COL14A1: variants seen among roughly 807,000 people sequenced by gnomAD.
COL14A1 encodes the protein collagen type XIV alpha 1 chain.
COL14A1 carries 136 observed loss-of-function variants against 230.3 expected under a neutral mutation model. That is an observed-to-expected ratio of 0.59 (90% confidence interval 0.51 to 0.68). The LOEUF (loss-of-function observed/expected upper bound fraction) is 0.68, where lower values mean the gene tolerates loss of function less well. Among genes scored for constraint, COL14A1 ranks in the 30% least tolerant of loss-of-function variants. The pLI is 0.00. For synonymous variants in COL14A1, 792 were observed against 784.1 expected (o/e 1.01, Z -0.17); for missense variants, 1,976 against 2,215.8 (o/e 0.89, Z 2.17).
intron 1 of COL14A1, among the ~76,000 whole-genome samples, chr8:120,141,769 A>C (rs1243022980): frequency 6.6e-6 from 1 of 152,230 alleles, no homozygotes; most frequent in South Asian, 2.1e-4. Context: ...TGATGAGAAT[A>C]GAGAAAGGCT....
intron 7 of COL14A1, 132 bp from the exon 8 acceptor site, chr8:120,199,270 C>A (rs1014717848): frequency 1.3e-6 from 1 of 758,804 alleles, no homozygotes; most frequent in Non-Finnish European, 1.9e-6. Context: ...AACGTTATTA[C>A]AAAAATGAAG....
rs370831846 is a variant in COL14A1, at chr8:120,262,929, T to G, written c.2931T>G (p.Leu977=). 8 of 1,613,628 alleles carry G rather than the reference T, an allele frequency of 5.0e-6. No homozygotes were observed. The highest frequency in any genetic ancestry group is 2.2e-5 in the South Asian group (2 of 91,026). The change falls in exon 24 of 48, where the codon CTT becomes CTG. Residue 977 remains leucine (L), a synonymous_variant. Transcript: ENST00000297848. ...GGTTRHCFYG[L]QPDSEYKISV... ...CAACCAGGCATTGCTTCTATGGACT[T>G]CAGCCTGATTCTGAATATAAAATCA...
intron 19 of COL14A1, among the ~76,000 whole-genome samples, chr8:120,240,390 T>C (rs1326146682): frequency 1.3e-5 from 2 of 152,190 alleles, no homozygotes; most frequent in Non-Finnish European, 1.5e-5. Context: ...TGTAATGTGT[T>C]ATGACTGGAG....
In COL14A1 at chr8:120,277,398, G is replaced by A. The variant is rs556700416; in HGVS notation, c.3214-713G>A. Reference sequence around the variant, plus strand: ...CCATTTTTAAACTGTCAAATGAGGTGGCAAAAATCCTACAAGCTTGAAAGA... The same window carrying A: ...CCATTTTTAAACTGTCAAATGAGGTAGCAAAAATCCTACAAGCTTGAAAGA... On this transcript the variant is annotated intron_variant, in intron 26 of 47. Coordinates refer to ENST00000297848, the MANE Select transcript of COL14A1 (RefSeq NM_021110.4). 2.6e-3 allele frequency: 400 copies of A among 152,140 alleles called. 2 individuals carry two copies. Among genetic ancestry groups the A allele is most frequent in the African/African-American group, 8.6e-3 (359 of 41,514 alleles). 9.4% of individuals were successfully genotyped at this position (152,140 alleles called of 1,614,324 possible).
intron 1 of COL14A1, among the ~76,000 whole-genome samples, chr8:120,137,322 T>G (rs1814749087): frequency 6.6e-6 from 1 of 152,166 alleles, no homozygotes; most frequent in South Asian, 2.1e-4. Flanking sequence ...TCCTCTGTTA[T>G]TCCTGGTATT....
intron 45 of COL14A1, among the ~76,000 whole-genome samples, chr8:120,350,245 A>G (rs1822699662): frequency 6.6e-6 from 1 of 152,086 alleles, no homozygotes; most frequent in East Asian, 1.9e-4. Context: ...AGCAATAAAC[A>G]TGGAAAGGAA....
intron 5 of COL14A1, among the ~76,000 whole-genome samples, chr8:120,169,325 A>T (rs1816026438): frequency 6.6e-6 from 1 of 152,182 alleles, no homozygotes; most frequent in East Asian, 1.9e-4. Flanking sequence ...AATTTTTTTC[A>T]GTAATTTGTA....
At chr8:120,181,637 T>C (rs1816467730) in intron 5 of COL14A1, among the ~76,000 whole-genome samples, 1 of 152,220 alleles carries the variant, frequency 6.6e-6, no homozygotes, top group South Asian at 2.1e-4. Flanking sequence ...AGGCTTCTTA[T>C]GGGAGTGATA....
In COL14A1 at chr8:120,190,260, G is replaced by T. The variant is rs1237953314; in HGVS notation, c.437-6531G>T. ...GTGATGGTGAGCATTTTTTCATGTGGTTTTTGGCTGCATAAATGTCTTCTT... is the reference window on the plus strand; with the variant it reads ...GTGATGGTGAGCATTTTTTCATGTGTTTTTTGGCTGCATAAATGTCTTCTT... On this transcript the variant is annotated intron_variant, in intron 5 of 47. Coordinates refer to ENST00000297848, the MANE Select transcript of COL14A1 (RefSeq NM_021110.4). Among the ~76,000 whole-genome samples, 6 of 152,194 alleles carry T rather than the reference G, an allele frequency of 3.9e-5. No individual in the cohort carries two copies. In the East Asian group the frequency reaches 9.6e-4, roughly 24 times the overall value.
intron 5 of COL14A1, among the ~76,000 whole-genome samples, chr8:120,168,496 G>T (rs1156552708): frequency 6.6e-6 from 1 of 152,080 alleles, no homozygotes; most frequent in Non-Finnish European, 1.5e-5. Context: ...CTTGTTCTGT[G>T]CATACCTTTT....
intron 47 of COL14A1, chr8:120,370,553 G>A: frequency 6.8e-7 from 1 of 1,463,460 alleles, no homozygotes; most frequent in Non-Finnish European, 9.0e-7. Flanking sequence ...AAACATGATG[G>A]AGTGATAACA....
intron 40 of COL14A1, among the ~76,000 whole-genome samples, chr8:120,322,559 C>T (rs536130483): frequency 1.3e-5 from 2 of 152,262 alleles, no homozygotes; most frequent in Admixed American, 6.5e-5. Context: ...CCTTCACCCA[C>T]TGATAGGCCC....
intron 5 of COL14A1, among the ~76,000 whole-genome samples, chr8:120,193,025 T>G (rs1164109348): frequency 6.6e-6 from 1 of 152,254 alleles, no homozygotes; most frequent in South Asian, 2.1e-4. Context: ...TTTGATCGTC[T>G]GAAGCCTTCT....
chr8:120,356,366 T>C (rs1822984893), intron 45 of COL14A1, among the ~76,000 whole-genome samples: 1 of 152,220 alleles, frequency 6.6e-6, no homozygotes, highest in Non-Finnish European at 1.5e-5. Flanking sequence ...GATCCAGATA[T>C]GTATGATTCC....
chr8:120,314,121 T>C (rs552666956), intron 38 of COL14A1, 94 bp downstream of exon 38: 1 of 868,108 alleles, frequency 1.2e-6, no homozygotes, highest in South Asian at 1.8e-5. Flanking sequence ...GTCTTAATAA[T>C]GAACCTCAGT....
chr8:120,295,453 T>C (rs571455916), intron 34 of COL14A1, among the ~76,000 whole-genome samples: 2 of 151,984 alleles, frequency 1.3e-5, no homozygotes, highest in African/African-American at 4.8e-5. Context: ...TCTGAAGATG[T>C]AAAGATATAT....
intron 40 of COL14A1, among the ~76,000 whole-genome samples, chr8:120,331,596 G>A (rs111672645): frequency 2.0e-5 from 3 of 152,112 alleles, no homozygotes; most frequent in East Asian, 1.9e-4. Context: ...GAGCAAACAC[G>A]TGCTCATTTG....
chr8:120,166,579 A>G lies in COL14A1; in HGVS notation c.350-1582A>G, dbSNP rs571480684. On this transcript the variant is annotated intron_variant, in intron 4 of 47. Transcript: ENST00000297848. ...CATCACTCAGCACAATCTTTCTCAT[A>G]TTAAAGTGGCAGACATATTTTGTTT... Among the ~76,000 whole-genome samples the G allele has an allele frequency of 3.9e-5, 6 of 152,288 alleles. No homozygotes were observed. In the South Asian group the frequency reaches 1.0e-3, roughly 26 times the overall value.
chr8:120,274,396 A>G (rs1819775057), intron 26 of COL14A1, among the ~76,000 whole-genome samples: 1 of 151,862 alleles, frequency 6.6e-6, no homozygotes, highest in Non-Finnish European at 1.5e-5. Flanking sequence ...AGTTGATAGC[A>G]TTCCTTCTGA....
Sources: allele counts gnomAD v4.1 joint callset (sites outside exome capture counted in the v4.1 genomes callset), GRCh38; gene constraint gnomAD v4.1.1; transcripts MANE v1.5; gene names NCBI Gene and HGNC (gene_info 2026-07-23, HGNC 2026-07-21).